ZNF358: variants seen among roughly 807,000 people sequenced by gnomAD.
ZNF358 encodes the protein zinc finger protein 358.
In ZNF358, 1 loss-of-function variant was observed where a neutral mutation model predicts 2.1. The ratio of observed to expected loss-of-function variants is 0.49; its 90% CI spans 0.17 to 2.30. The LOEUF (loss-of-function observed/expected upper bound fraction) is 2.30. ZNF358 is among the 30% of genes most tolerant of loss of function. The pLI, the probability that ZNF358 is intolerant of heterozygous loss-of-function variation, is 0.26. For missense variants in ZNF358, 665 were observed against 806.8 expected (o/e 0.82, Z 2.13); for synonymous variants, 381 against 359.7 (o/e 1.06, Z -0.67).
chr19:7,519,415 A>T lies in ZNF358; in HGVS notation c.173A>T (p.Asp58Val), dbSNP rs774293687. 1 of 1,613,528 alleles carries T rather than the reference A, an allele frequency of 6.2e-7. No individual in the cohort carries two copies. Among genetic ancestry groups the T allele is most frequent in the Non-Finnish European group, 8.5e-7 (1 of 1,179,884 alleles). The change falls in exon 2 of 2, where the codon GAC becomes GTC. Residue 58 changes from aspartate to valine, a missense_variant. Asp to Val is a radical substitution (Grantham distance 152, BLOSUM62 -3). Around this residue, in one of 3 missense-constraint regions of ZNF358, gnomAD observed 206 missense variants for 228.4 expected, o/e 0.90. Coordinates refer to ENST00000597229, the MANE Select transcript of ZNF358 (RefSeq NM_018083.5). ...EDLNTVPEDVDPSYEDLEPVS... is the reference protein window; with the variant it reads ...EDLNTVPEDVVPSYEDLEPVS... ...CTCAACACTGTCCCGGAAGACGTGG[A>T]CCCCAGCTATGAAGATCTGGAGCCC...
rs1481258493 is a variant in ZNF358, at chr19:7,519,334, C to G, written c.92C>G (p.Pro31Arg). The change falls in exon 2 of 2, where the codon CCC (proline) becomes CGC (arginine). Residue 31 changes from proline to arginine, a missense_variant. Physicochemically the swap from Pro to Arg is moderately radical, Grantham distance 103. Transcript: ENST00000597229. ...GACTCTGACTCCGAGGACCTAGACC[C>G]CAATCCTGAAGATCTGGACCCGGTT... ...ELDSDSEDLD[P>R]NPEDLDPVSE... 6.2e-7 allele frequency: 1 copy of G among 1,613,864 alleles called. No homozygotes were observed. The highest frequency in any genetic ancestry group is 1.7e-5 in the Admixed American group (1 of 60,008).
chr19:7,515,090 C>T (rs930815367), upstream of ZNF358, among the ~76,000 whole-genome samples: 3 of 152,164 alleles, frequency 2.0e-5, no homozygotes, highest in African/African-American at 7.2e-5. Context: ...TTTGTGTTCA[C>T]TTGGAGAGGG....
chr19:7,517,755 T>G (rs1272575774), intron 1 of ZNF358, among the ~76,000 whole-genome samples: 1 of 152,144 alleles, frequency 6.6e-6, no homozygotes, highest in Non-Finnish European at 1.5e-5. Context: ...GACTCCCACC[T>G]GGAGCTGTGA....
upstream of ZNF358, chr19:7,515,231 G>A (rs1322915400): frequency 2.0e-5 from 3 of 152,116 alleles, no homozygotes; most frequent in Admixed American, 6.5e-5. Context: ...GGAGAACATC[G>A]CGGCCCAGCC....
At position 7,520,815 on chromosome 19, in the gene ZNF358, AGCCCTGATCCCAACCCTGTGTCCT is replaced by A. The variant is rs745770796; in HGVS notation, c.1581_1604del (p.Asn529_Pro536del). 4.0e-5 allele frequency: 64 copies of A among 1,613,898 alleles called. No homozygotes were observed. The East Asian group carries it at 4.2e-4, about 11-fold the overall frequency. On this transcript the variant is annotated inframe_deletion, in exon 2 of 2. Coordinates refer to ENST00000597229, the MANE Select transcript of ZNF358 (RefSeq NM_018083.5). The surrounding 1 kb of genome is among the most constrained non-coding windows in gnomAD (Gnocchi z 6.0). ...CAGCCCAGACCCTGATCCTGTGCCC[AGCCCTGATCCCAACCCTGTGTCCT>A]GCCCTGACCCCTGTTCTCCCACTCG...
chr19:7,514,988 G>A (rs955672636), upstream of ZNF358, among the ~76,000 whole-genome samples: 1 of 152,174 alleles, frequency 6.6e-6, no homozygotes, highest in Non-Finnish European at 1.5e-5. Context: ...ACCTGGGAGC[G>A]CTTTGCTGAC....
chr19:7,519,635 C>G lies in ZNF358; in HGVS notation c.393C>G (p.Pro131=), dbSNP rs773841126. 8 of 1,593,374 alleles carry G rather than the reference C, an allele frequency of 5.0e-6. No homozygotes were observed. The highest frequency in any genetic ancestry group is 2.2e-5 in the East Asian group (1 of 44,810). The change falls in exon 2 of 2, where the codon CCC becomes CCG. Residue 131 remains proline, a synonymous_variant. Coordinates refer to ENST00000597229, the MANE Select transcript of ZNF358 (RefSeq NM_018083.5). ...TCTCCTCTGGCCTCACTGCCACCCC[C>G]CAGGTCTTGGCCACCAGCCCCGCGG... ...DPISSGLTAT[P]QVLATSPAVL...
rs771579923 is a variant in ZNF358, at chr19:7,519,733, C to A, written c.491C>A (p.Ser164Tyr). ...PDCGRAFRRS[S>Y]GLSQHRRTHS... The stretch of plus-strand genomic sequence containing the variant: ...TGCGGGCGAGCCTTCCGCCGCAGCT[C>A]CGGGCTGAGCCAGCATCGCCGCACG... Residue 164 changes from serine (S) to tyrosine (Y), a missense_variant, in exon 2 of 2, where the codon TCC (serine) becomes TAC (tyrosine). Around this residue, in one of 3 missense-constraint regions of ZNF358, gnomAD observed 206 missense variants for 228.4 expected, o/e 0.90. Coordinates refer to ENST00000597229, the MANE Select transcript of ZNF358 (RefSeq NM_018083.5). The A allele has an allele frequency of 2.6e-6, 4 of 1,556,000 alleles. No individual in the cohort carries two copies. The highest frequency in any genetic ancestry group is 1.4e-5 in the African/African-American group (1 of 73,824).
Position 7,520,033 on chromosome 19 carries a change from A to G in ZNF358, c.791A>G (p.Lys264Arg). The G allele has an allele frequency of 6.5e-7, 1 of 1,540,478 alleles. No individual in the cohort carries two copies. Among genetic ancestry groups the G allele is most frequent in the Non-Finnish European group, 8.7e-7 (1 of 1,150,958 alleles). Residue 264 changes from lysine to arginine, a missense_variant, in exon 2 of 2, where the codon AAG (lysine) becomes AGG (arginine). Transcript: ENST00000597229. This position sits in a 1 kb window ranked among gnomAD's most constrained non-coding sequence, Gnocchi z 6.0. ...ACGCACGGCGGCCCGCGGCCCCACA[A>G]GTGCCCGGTGTGCGCCAAGGGCTTC... The part of the protein sequence containing the change: ...LRTHGGPRPH[K>R]CPVCAKGFGQ...
At chr19:7,515,919 T>A (rs1477028485), upstream of ZNF358, among the ~76,000 whole-genome samples, 1 of 151,106 alleles carries the variant, frequency 6.6e-6, no homozygotes, top group Non-Finnish European at 1.5e-5. Context: ...AGGAGGAGAC[T>A]AGGGATGGGG....
At position 7,520,907 on chromosome 19, in the gene ZNF358, G is replaced by A. The variant is rs747249559; in HGVS notation, c.1665G>A (p.Glu555=). 4.3e-6 allele frequency: 7 copies of A among 1,614,102 alleles called. No individual in the cohort carries two copies. The highest frequency in any genetic ancestry group is 5.9e-6 in the Non-Finnish European group (7 of 1,180,024). Residue 555 remains glutamate, a synonymous_variant, in exon 2 of 2, where the codon GAG becomes GAA. Transcript: ENST00000597229. This position sits in a 1 kb window ranked among gnomAD's most constrained non-coding sequence, Gnocchi z 6.0. ...SPALPTGESP[E]WVQEQGALLG... The stretch of plus-strand genomic sequence containing the variant: ...CCCTCCCTACCGGCGAGAGTCCAGA[G>A]TGGGTACAGGAGCAAGGGGCACTGC...
Position 7,520,460 on chromosome 19 carries a change from C to T in ZNF358, c.1218C>T (p.Ala406=), listed in dbSNP as rs553646763. ...AGGGTGCAGCCGCTGCTGCAGCTGC[C>T]GCGGCCGCTGCAGCTGCAGCAGCGG... ...VHEGAAAAAA[A]AAAAAAAAAA... Residue 406 remains alanine, a synonymous_variant, in exon 2 of 2, where the codon GCC becomes GCT. Transcript: ENST00000597229. This position sits in a 1 kb window ranked among gnomAD's most constrained non-coding sequence, Gnocchi z 6.0. 1.2e-5 allele frequency: 14 copies of T among 1,153,330 alleles called. No homozygotes were observed. The highest frequency in any genetic ancestry group is 3.2e-5 in the Admixed American group (1 of 31,012). The allele number at this position is 1,153,330 out of a possible 1,614,324, so 71.4% of individuals were successfully genotyped here.
rs1162451114 is a variant in ZNF358, at chr19:7,520,209, C to A, written c.967C>A (p.His323Asn). 6.2e-7 allele frequency: 1 copy of A among 1,600,704 alleles called. No homozygotes were observed. The highest frequency in any genetic ancestry group is 1.7e-5 in the Admixed American group (1 of 59,660). ...GGCCGAGCGCCCCTACCGCTGCCCCCACTGCGGCAAAGCCTTCGGGCAGAG... is the reference window on the plus strand; with the variant it reads ...GGCCGAGCGCCCCTACCGCTGCCCCAACTGCGGCAAAGCCTTCGGGCAGAG... ...HTAERPYRCP[H>N]CGKAFGQSSN... Residue 323 changes from histidine (H) to asparagine (N), a missense_variant, in exon 2 of 2, where the codon CAC (histidine) becomes AAC (asparagine). His to Asn is a moderately conservative substitution (Grantham distance 68). Transcript: ENST00000597229. This position sits in a 1 kb window ranked among gnomAD's most constrained non-coding sequence, Gnocchi z 6.0.
At position 7,519,411 on chromosome 19, in the gene ZNF358, G is replaced by A. The variant is rs748092806; in HGVS notation, c.169G>A (p.Val57Met). ...AGACCTCAACACTGTCCCGGAAGACGTGGACCCCAGCTATGAAGATCTGGA... is the reference window on the plus strand; with the variant it reads ...AGACCTCAACACTGTCCCGGAAGACATGGACCCCAGCTATGAAGATCTGGA... ...PEDLNTVPED[V>M]DPSYEDLEPV... is the part of the protein sequence containing the mutation. Residue 57 changes from valine to methionine, a missense_variant, in exon 2 of 2, where the codon GTG becomes ATG. Val to Met is a conservative substitution (Grantham distance 21). Coordinates refer to ENST00000597229, the MANE Select transcript of ZNF358 (RefSeq NM_018083.5). 6.2e-6 allele frequency: 10 copies of A among 1,613,996 alleles called. No homozygotes were observed. Among genetic ancestry groups the A allele is most frequent in the Non-Finnish European group, 8.5e-6 (10 of 1,180,004 alleles).
rs556101041 is a variant in ZNF358, at chr19:7,518,557, G to GAGAGAA, written c.-38-645_-38-644insGAAAGA. On this transcript the variant is annotated intron_variant, in intron 1 of 1. Coordinates refer to ENST00000597229, the MANE Select transcript of ZNF358 (RefSeq NM_018083.5). ...AAAGAAAGAAAGAAAGAGAGAGAGA[G>GAGAGAA]AGAAAGAAAGAAAGAAAGAAAGAAA... Among the ~76,000 whole-genome samples, 274 of 116,168 alleles carry GAGAGAA rather than the reference G, an allele frequency of 2.4e-3. No individual in the cohort carries two copies. The East Asian group carries it at 0.036, about 15-fold the overall frequency. The allele number at this position is 116,168 out of a possible 152,430, so 76.2% of individuals were successfully genotyped here.
At position 7,519,995 on chromosome 19, in the gene ZNF358, A is replaced by G. The variant is rs2022434495; in HGVS notation, c.753A>G (p.Ala251=). 6.6e-7 allele frequency: 1 copy of G among 1,521,040 alleles called. No homozygotes were observed. The highest frequency in any genetic ancestry group is 8.8e-7 in the Non-Finnish European group (1 of 1,140,056). The allele number at this position is 1,521,040 out of a possible 1,614,324, so 94.2% of individuals were successfully genotyped here. ...GKAFGHGSLL[A]QHLRTHGGPR... ...CCTTCGGGCACGGCTCGCTCCTGGC[A>G]CAGCACCTGCGCACGCACGGCGGCC... is the stretch of plus-strand genomic sequence containing the variant. Residue 251 remains alanine (A), a synonymous_variant, in exon 2 of 2, where the codon GCA becomes GCG. Transcript: ENST00000597229.
Position 7,519,374 on chromosome 19 carries a change from G to C in ZNF358, c.132G>C (p.Glu44Asp). ...EDLDPVSEDP[E>D]PDPEDLNTVP... ...TGGACCCGGTTTCTGAAGACCCAGAGCCTGATCCTGAAGACCTCAACACTG... is the reference window on the plus strand; with the variant it reads ...TGGACCCGGTTTCTGAAGACCCAGACCCTGATCCTGAAGACCTCAACACTG... Residue 44 changes from glutamate (E) to aspartate (D), a missense_variant, in exon 2 of 2, where the codon GAG becomes GAC. Physicochemically the swap from Glu to Asp is conservative, Grantham distance 45 (BLOSUM62 2). Transcript: ENST00000597229. 6.2e-7 allele frequency: 1 copy of C among 1,613,542 alleles called. No individual in the cohort carries two copies. The highest frequency in any genetic ancestry group is 8.5e-7 in the Non-Finnish European group (1 of 1,179,514).
Position 7,519,965 on chromosome 19 carries a change from C to G in ZNF358, c.723C>G (p.Gly241=). The change falls in exon 2 of 2, where the codon GGC becomes GGG. Residue 241 remains glycine, a synonymous_variant. Coordinates refer to ENST00000597229, the MANE Select transcript of ZNF358 (RefSeq NM_018083.5). ...AGCCGCACCACTGCCCGGTGTGTGGCAAGGCCTTCGGGCACGGCTCGCTCC... is the reference window on the plus strand; with the variant it reads ...AGCCGCACCACTGCCCGGTGTGTGGGAAGGCCTTCGGGCACGGCTCGCTCC... ...GEKPHHCPVC[G]KAFGHGSLLA... The G allele has an allele frequency of 6.6e-7, 1 of 1,520,188 alleles. No individual in the cohort carries two copies. The highest frequency in any genetic ancestry group is 8.8e-7 in the Non-Finnish European group (1 of 1,138,740). The allele number at this position is 1,520,188 out of a possible 1,614,324, so 94.2% of individuals were successfully genotyped here. A position where few individuals can be genotyped will look rare whatever the true frequency, so the allele number is the denominator to read the frequency against.
Position 7,520,013 on chromosome 19 carries a change from C to T in ZNF358, c.771C>T (p.His257=), listed in dbSNP as rs1277442667. ...GSLLAQHLRT[H]GGPRPHKCPV... Reference sequence around the variant, plus strand: ...TCCTGGCACAGCACCTGCGCACGCACGGCGGCCCGCGGCCCCACAAGTGCC... The same window carrying T: ...TCCTGGCACAGCACCTGCGCACGCATGGCGGCCCGCGGCCCCACAAGTGCC... The change falls in exon 2 of 2, where the codon CAC becomes CAT. Residue 257 remains histidine (H), a synonymous_variant. Coordinates refer to ENST00000597229, the MANE Select transcript of ZNF358 (RefSeq NM_018083.5). This position sits in a 1 kb window ranked among gnomAD's most constrained non-coding sequence, Gnocchi z 6.0. 2.6e-6 allele frequency: 4 copies of T among 1,528,268 alleles called. No homozygotes were observed. The highest frequency in any genetic ancestry group is 1.4e-5 in the African/African-American group (1 of 72,552). The allele number at this position is 1,528,268 out of a possible 1,614,324, so 94.7% of individuals were successfully genotyped here.
Sources: allele counts gnomAD v4.1 joint callset (sites outside exome capture counted in the v4.1 genomes callset), GRCh38; gene constraint gnomAD v4.1.1; regional missense constraint gnomAD v4.1.1; non-coding constraint Gnocchi (gnomAD v3.1); transcripts MANE v1.5; gene names NCBI Gene and HGNC (gene_info 2026-07-23, HGNC 2026-07-21).